Variants in PKP2 observed in about 807,000 individuals in gnomAD.
The protein encoded by PKP2 is plakophilin 2.
Under a neutral mutation model 83.4 loss-of-function variants are expected in PKP2, and 73 were observed. The ratio of observed to expected loss-of-function variants is 0.88; its 90% CI spans 0.72 to 1.06. The LOEUF is 1.06. Among genes scored for constraint, PKP2 ranks in the 50% least tolerant of loss-of-function variants. The probability of loss-of-function intolerance (pLI) is 0.00; values close to 1 mark genes in which losing one functional copy is unlikely to be tolerated. For synonymous variants in PKP2, 409 were observed against 430.4 expected (o/e 0.95, Z 0.62); for missense variants, 966 against 1,065.4 (o/e 0.91, Z 1.30).
At chr12:32,891,341 T>C (rs1427730911) in intron 1 of PKP2, among the ~76,000 whole-genome samples, 1 of 152,198 alleles carries the variant, frequency 6.6e-6, no homozygotes, top group Non-Finnish European at 1.5e-5. Context: ...ATCATATTTA[T>C]TATATTTCAT....
chr12:32,834,148 C>T (rs556857811), intron 6 of PKP2, among the ~76,000 whole-genome samples: 14 of 152,216 alleles, frequency 9.2e-5, no homozygotes, highest in Admixed American at 7.2e-4. Context: ...TCATCCCTCT[C>T]TTAAATCTCT....
chr12:32,868,388 A>AT lies in PKP2; in HGVS notation c.1170+538dup, dbSNP rs992249974. 9.4e-5 allele frequency among the ~76,000 whole-genome samples: 14 copies of AT among 149,498 alleles called. No individual in the cohort carries two copies. In the East Asian group the frequency reaches 1.6e-3, roughly 17 times the overall value. On this transcript the variant is annotated intron_variant, in intron 4 of 12. Transcript: ENST00000340811. ...GCCACCACACATGGCTAATTTTTGT[A>AT]TTTTTTTTTAGTAGAGTTGGGGTTT...
intron 6 of PKP2, among the ~76,000 whole-genome samples, chr12:32,835,783 G>T (rs1161965893): frequency 6.6e-6 from 1 of 152,180 alleles, no homozygotes; most frequent in African/African-American, 2.4e-5. Flanking sequence ...TGGGGCTGGG[G>T]GAGGGGGAGA....
In PKP2 at chr12:32,821,399, G is replaced by A; in HGVS notation, c.1970C>T (p.Ala657Val). Residue 657 changes from alanine to valine, a missense_variant, in exon 9 of 13, where the codon GCA becomes GTA. Physicochemically the swap from Ala to Val is moderately conservative, Grantham distance 64 (BLOSUM62 0). Coordinates refer to ENST00000340811, the MANE Select transcript of PKP2 (RefSeq NM_001005242.3). ...GAGGTTCTGCAGAGCTCCTAAGGATGCTTCTTGTGTGTAGTTGCGGACACT... is the reference window on the plus strand; with the variant it reads ...GAGGTTCTGCAGAGCTCCTAAGGATACTTCTTGTGTGTAGTTGCGGACACT... ...AKSVRNYTQE[A>V]SLGALQNLTA... is the part of the protein sequence containing the mutation. 6.2e-7 allele frequency: 1 copy of A among 1,614,136 alleles called. No homozygotes were observed. Among genetic ancestry groups the A allele is most frequent in the East Asian group, 2.2e-5 (1 of 44,876 alleles).
chr12:32,838,999 T>C (rs1346602346), intron 6 of PKP2, among the ~76,000 whole-genome samples: 1 of 152,230 alleles, frequency 6.6e-6, no homozygotes, highest in Non-Finnish European at 1.5e-5. Flanking sequence ...AGAAAATGTT[T>C]ACCAGGCAAA....
At chr12:32,860,427 T>C (rs946889599) in intron 4 of PKP2, among the ~76,000 whole-genome samples, 1 of 152,198 alleles carries the variant, frequency 6.6e-6, no homozygotes, top group Non-Finnish European at 1.5e-5. Flanking sequence ...ACTATTCTTA[T>C]CAGCCAGCCA....
Position 32,805,148 on chromosome 12 carries a change from GT to G in PKP2, c.2014-2593del, listed in dbSNP as rs527291555. Among the ~76,000 whole-genome samples the G allele has an allele frequency of 5.1e-3, 726 of 141,620 alleles. 1 individual carries two copies. The highest frequency in any genetic ancestry group is 0.03 in the South Asian group (132 of 4,462). The allele number at this position is 141,620 out of a possible 152,430, so 92.9% of individuals were successfully genotyped here. A position where few individuals can be genotyped will look rare whatever the true frequency, so the allele number is the denominator to read the frequency against. On this transcript the variant is annotated intron_variant, in intron 9 of 12. Coordinates refer to ENST00000340811, the MANE Select transcript of PKP2 (RefSeq NM_001005242.3). Reference sequence around the variant, plus strand: ...CCTTTGTCCACTTTTTAATGGGGTTGTTTTTTTTTTTGTCTTGTAAATTTGT... The same window carrying G: ...CCTTTGTCCACTTTTTAATGGGGTTGTTTTTTTTTTGTCTTGTAAATTTGT...
Position 32,878,981 on chromosome 12 carries a change from A to T in PKP2, c.275T>A (p.Leu92Ter), listed in dbSNP as rs763639737. Residue 92 changes from leucine to a stop codon, truncating the protein, a stop_gained, in exon 2 of 13, where the codon TTG (leucine) becomes TAG (stop). Transcript: ENST00000340811. LOFTEE classifies it high-confidence loss of function. ...GCCTCCAACAAAATCATTTTCAACC[A>T]AGTGTAGGTTGTAGACATACTCAGG... is the stretch of plus-strand genomic sequence containing the variant. ...SVPEYVYNLH[L>*]VENDFVGGRS... 7.5e-6 allele frequency: 12 copies of T among 1,609,096 alleles called. No individual in the cohort carries two copies. Among genetic ancestry groups the T allele is most frequent in the Non-Finnish European group, 1.0e-5 (12 of 1,177,150 alleles).
At chr12:32,881,199 C>G (rs952048768) in intron 1 of PKP2, among the ~76,000 whole-genome samples, 12 of 152,344 alleles carry the variant, frequency 7.9e-5, no homozygotes, top group African/African-American at 2.9e-4. Context: ...GCCAAACAAT[C>G]TGCCTGATAA....
intron 7 of PKP2, among the ~76,000 whole-genome samples, chr12:32,823,507 C>G (rs1956403574): frequency 6.6e-6 from 1 of 151,730 alleles, no homozygotes; most frequent in African/African-American, 2.4e-5. Context: ...CATTGCTGAC[C>G]ATGTAGCATT....
At chr12:32,863,205 T>C in intron 4 of PKP2, 1 of 235,308 alleles carries the variant, frequency 4.2e-6, no homozygotes, top group South Asian at 7.4e-5. Context: ...AAGGTGTTTA[T>C]GCCCGAGATG....
chr12:32,833,806 A>G (rs1956521805), intron 6 of PKP2, among the ~76,000 whole-genome samples: 1 of 152,184 alleles, frequency 6.6e-6, no homozygotes, highest in South Asian at 2.1e-4. Flanking sequence ...AAAAAAGAAT[A>G]TGTTTTAAAA....
In PKP2 at chr12:32,821,332, T is replaced by C. The variant is rs776786598; in HGVS notation, c.2013+24A>G. The C allele has an allele frequency of 1.9e-5, 30 of 1,602,748 alleles. No individual in the cohort carries two copies. In the South Asian group the frequency reaches 3.0e-4, roughly 16 times the overall value. On this transcript the variant is annotated intron_variant, in intron 9 of 12. Transcript: ENST00000340811. ...TCTACAATATCATTATTTTAAAAAG[T>C]AGGAAATCAGGCCCAATACTCACTG... is the stretch of plus-strand genomic sequence containing the variant.
chr12:32,843,353 G>C, intron 5 of PKP2: 1 of 1,358,098 alleles, frequency 7.4e-7, no homozygotes, highest in Middle Eastern at 2.1e-4. Context: ...CTCAGGGCAG[G>C]CTCCTTTATG....
chr12:32,815,397 AC>A (rs1956311893), intron 9 of PKP2, among the ~76,000 whole-genome samples: 1 of 152,106 alleles, frequency 6.6e-6, no homozygotes, highest in South Asian at 2.1e-4. Context: ...TATCTCTCCT[AC>A]TAGACCATTC....
rs182218360 is a variant in PKP2 at position 32,859,733 on chromosome 12, G to A, written c.1171-8760C>T. 1.3e-4 allele frequency among the ~76,000 whole-genome samples: 20 copies of A among 152,274 alleles called. No individual in the cohort carries two copies. In the East Asian group the frequency reaches 3.9e-3, roughly 29 times the overall value. ...GGCCTCCCAAAGTTCTGGGATTACA[G>A]GTATGAGCCACTATACCTGGCCCTC... On this transcript the variant is annotated intron_variant, in intron 4 of 12. Transcript: ENST00000340811.
chr12:32,833,205 T>G (rs571047528), intron 6 of PKP2, among the ~76,000 whole-genome samples: 1 of 152,258 alleles, frequency 6.6e-6, no homozygotes, highest in East Asian at 1.9e-4. Context: ...ATCATGCCAC[T>G]GCACTCCAGC....
At chr12:32,865,724 T>C (rs1445597469) in intron 4 of PKP2, among the ~76,000 whole-genome samples, 1 of 134,620 alleles carries the variant, frequency 7.4e-6, no homozygotes, top group Admixed American at 7.2e-5. Context: ...GAATACACAG[T>C]CCAGAAATAG....
intron 9 of PKP2, among the ~76,000 whole-genome samples, chr12:32,805,212 C>A (rs1236313625): frequency 6.7e-6 from 1 of 150,308 alleles, no homozygotes; most frequent in Admixed American, 6.7e-5. Flanking sequence ...AGACCTTTGT[C>A]AGGAAGATAG....
Sources: gnomAD v4.1 joint callset for allele counts (sites outside exome capture counted in the v4.1 genomes callset) on GRCh38, gnomAD v4.1.1 for gene constraint, MANE v1.5 for transcripts, NCBI Gene and HGNC (gene_info 2026-07-23, HGNC 2026-07-21) for gene names.